The following MCM2 variants were observed in gnomAD, a reference collection of about 807,000 sequenced individuals.
MCM2 encodes the protein DNA replication licensing factor MCM2.
MCM2 carries 49 observed loss-of-function variants against 86.4 expected under a neutral mutation model. The observed-to-expected ratio is 0.57, with a 90% confidence interval of 0.45 to 0.72. The LOEUF is 0.72. Among genes scored for constraint, MCM2 ranks in the 30% least tolerant of loss-of-function variants. The pLI, the probability that MCM2 is intolerant of heterozygous loss-of-function variation, is 0.00. For synonymous variants in MCM2, 475 were observed against 484.6 expected, an observed-to-expected ratio of 0.98 and a Z score of 0.26; for missense variants, 1,038 against 1,259.9, an observed-to-expected ratio of 0.82 and a Z score of 2.67.
intron 15 of MCM2, 21 bp from the exon 16 acceptor site, chr3:127,621,642 C>T (rs1287252399): frequency 6.5e-7 from 1 of 1,532,186 alleles, no homozygotes; most frequent in Non-Finnish European, 9.0e-7. Flanking sequence ...TGATGGCTCA[C>T]TGGACACTTC....
At chr3:127,614,979 G>C (rs1280720122) in intron 8 of MCM2, among the ~76,000 whole-genome samples, 1 of 152,246 alleles carries the variant, frequency 6.6e-6, no homozygotes, top group African/African-American at 2.4e-5. Context: ...TTCAGAGGGA[G>C]ATAGGAGTTA....
chr3:127,618,934 C>A lies in MCM2; in HGVS notation c.2014-93C>A, dbSNP rs369465257. ...TCAGTCTTGTTGAAAGAGTGTCACCCTTGTAGGGCACACTCAGCCCTTCTC... is the reference window on the plus strand; with the variant it reads ...TCAGTCTTGTTGAAAGAGTGTCACCATTGTAGGGCACACTCAGCCCTTCTC... On this transcript the variant is annotated intron_variant, in intron 12 of 15. Coordinates refer to ENST00000265056, the MANE Select transcript of MCM2 (RefSeq NM_004526.4). This position sits in a 1 kb window ranked among gnomAD's most constrained non-coding sequence, Gnocchi z 4.0. 14 of 1,362,456 alleles carry A rather than the reference C, an allele frequency of 1.0e-5. No homozygotes were observed. Among genetic ancestry groups the A allele is most frequent in the African/African-American group, 8.7e-5 (6 of 68,864 alleles). The allele number at this position is 1,362,456 out of a possible 1,614,324, so 84.4% of individuals were successfully genotyped here.
At position 127,598,817 on chromosome 3, in the gene MCM2, T is replaced by C. The variant is rs1311707342; in HGVS notation, c.6+345T>C. 2.6e-5 allele frequency: 11 copies of C among 416,126 alleles called. No homozygotes were observed. In the East Asian group the frequency reaches 4.6e-4, roughly 17 times the overall value. The allele number at this position is 416,126 out of a possible 1,614,324, so 25.8% of individuals were successfully genotyped here. ...ACTTTTTTTTTTTTTAATTTCCCAA[T>C]GATCCTTGTTCCAAACACTACACTT... On this transcript the variant is annotated intron_variant, in intron 1 of 15. Transcript: ENST00000265056.
At position 127,604,948 on chromosome 3, in the gene MCM2, G is replaced by A. The variant is rs2074334563; in HGVS notation, c.465G>A (p.Glu155=). The A allele has an allele frequency of 1.9e-6, 3 of 1,613,730 alleles. No individual in the cohort carries two copies. The highest frequency in any genetic ancestry group is 1.7e-6 in the Non-Finnish European group (2 of 1,179,840). The change falls in exon 4 of 16, where the codon GAG becomes GAA. Residue 155 remains glutamate (E), a synonymous_variant. Coordinates refer to ENST00000265056, the MANE Select transcript of MCM2 (RefSeq NM_004526.4). ...CTGCCCGCAAGCGCCGCCAGGTGGA[G>A]CGGGCCACGGAGGACGGCGAGGAGG... The part of the protein sequence containing the change: ...ERPARKRRQV[E]RATEDGEEDE...
At chr3:127,605,267 G>T in intron 4 of MCM2, 111 bp downstream of exon 4, 1 of 1,416,700 alleles carries the variant, frequency 7.1e-7, no homozygotes, top group African/African-American at 1.4e-5. Context: ...ATGGCTGAGA[G>T]GTCTGTCAGA....
Position 127,616,997 on chromosome 3 carries a change from C to T in MCM2, c.1652C>T (p.Ala551Val), listed in dbSNP as rs781253937. Residue 551 changes from alanine (A) to valine (V), a missense_variant, in exon 10 of 16, where the codon GCG becomes GTG. By Grantham distance (64) the Ala-to-Val change is moderately conservative. Transcript: ENST00000265056. ...GCCATCTTCACCACTGGCCAGGGGG[C>T]GTCGGCTGTGGGCCTCACGGCGTAT... ...SRAIFTTGQG[A>V]SAVGLTAYVQ... 3 of 1,614,184 alleles carry T rather than the reference C, an allele frequency of 1.9e-6. No homozygotes were observed. The highest frequency in any genetic ancestry group is 1.1e-5 in the South Asian group (1 of 91,088).
chr3:127,617,902 G>A lies in MCM2; in HGVS notation c.1901-67G>A. Reference sequence around the variant, plus strand: ...CTCATCCCCTTCTGCCATCAGAGCAGCCTGGGGTCCCTGAGATGGGAGGAT... The same window carrying A: ...CTCATCCCCTTCTGCCATCAGAGCAACCTGGGGTCCCTGAGATGGGAGGAT... On this transcript the variant is annotated intron_variant, in intron 11 of 15. Transcript: ENST00000265056. This position sits in a 1 kb window ranked among gnomAD's most constrained non-coding sequence, Gnocchi z 4.1. 1 of 1,243,036 alleles carries A rather than the reference G, an allele frequency of 8.0e-7. No individual in the cohort carries two copies. Among genetic ancestry groups the A allele is most frequent in the Non-Finnish European group, 1.2e-6 (1 of 863,062 alleles). 77.0% of individuals were successfully genotyped at this position (1,243,036 alleles called of 1,614,324 possible).
chr3:127,614,282 C>G (rs1297965677), intron 8 of MCM2, among the ~76,000 whole-genome samples: 2 of 152,192 alleles, frequency 1.3e-5, no homozygotes, highest in Non-Finnish European at 2.9e-5. Context: ...ATAAACCTAG[C>G]CACAATACCA....
intron 2 of MCM2, 174 bp from the exon 3 acceptor site, chr3:127,604,434 T>C (rs1419586932): frequency 1.6e-6 from 1 of 636,272 alleles, no homozygotes; most frequent in African/African-American, 1.8e-5. Flanking sequence ...GATCGTGTTT[T>C]GTTCATCCAT....
intron 2 of MCM2, among the ~76,000 whole-genome samples, chr3:127,602,644 G>T (rs572436808): frequency 6.6e-6 from 1 of 152,220 alleles, no homozygotes. Flanking sequence ...CTTTGCACTC[G>T]CTGGGTGCCT....
intron 8 of MCM2, 93 bp from the exon 9 acceptor site, chr3:127,615,769 G>A: frequency 1.2e-6 from 1 of 864,212 alleles, no homozygotes; most frequent in Non-Finnish European, 2.0e-6. Flanking sequence ...TCTTTGAGCT[G>A]GGGATGTCGT....
In MCM2 at chr3:127,615,863, T is replaced by C. The variant is rs1240526317; in HGVS notation, c.1430T>C (p.Ile477Thr). 3 of 1,612,664 alleles carry C rather than the reference T, an allele frequency of 1.9e-6. No individual in the cohort carries two copies. Among genetic ancestry groups the C allele is most frequent in the Non-Finnish European group, 2.5e-6 (3 of 1,178,734 alleles). ...LSKDQQIGEK[I>T]FASIAPSIYG... The stretch of plus-strand genomic sequence containing the variant: ...TGTCGGTCTCCCTCCCTTTCTCAGA[T>C]CTTTGCCAGCATTGCTCCTTCCATC... The change falls in exon 9 of 16, where the codon ATC becomes ACC. Residue 477 changes from isoleucine (I) to threonine (T), a missense_variant and splice_region_variant. Physicochemically the swap from Ile to Thr is moderately conservative, Grantham distance 89. This residue lies in a region of MCM2 where 399 missense variants were observed against 507.2 expected (regional missense o/e 0.79). Transcript: ENST00000265056.
chr3:127,617,684 C>T lies in MCM2; in HGVS notation c.1900+279C>T. 1.7e-6 allele frequency: 1 copy of T among 591,022 alleles called. No individual in the cohort carries two copies. Among genetic ancestry groups the T allele is most frequent in the Non-Finnish European group, 3.0e-6 (1 of 333,542 alleles). The allele number at this position is 591,022 out of a possible 1,614,324, so 36.6% of individuals were successfully genotyped here. A position where few individuals can be genotyped will look rare whatever the true frequency, so the allele number is the denominator to read the frequency against. Reference sequence around the variant, plus strand: ...GCCCCTCTGGCCAGGATGGAGTTGGCTGTTGGTCTCAGCAGCGAATGCGTA... The same window carrying T: ...GCCCCTCTGGCCAGGATGGAGTTGGTTGTTGGTCTCAGCAGCGAATGCGTA... On this transcript the variant is annotated intron_variant, in intron 11 of 15. Transcript: ENST00000265056. This position sits in a 1 kb window ranked among gnomAD's most constrained non-coding sequence, Gnocchi z 4.1.
At position 127,606,497 on chromosome 3, in the gene MCM2, C is replaced by G. The variant is rs1576413907; in HGVS notation, c.894-113C>G. Reference sequence around the variant, plus strand: ...TGCACAGGAGTGTGATGGGAGGGATCTTCCCGGGCTGGGGGCTGGGCCCAA... The same window carrying G: ...TGCACAGGAGTGTGATGGGAGGGATGTTCCCGGGCTGGGGGCTGGGCCCAA... On this transcript the variant is annotated intron_variant, in intron 5 of 15. Transcript: ENST00000265056. The surrounding 1 kb of genome is among the most constrained non-coding windows in gnomAD (Gnocchi z 4.2). 5.7e-6 allele frequency: 7 copies of G among 1,220,912 alleles called. No homozygotes were observed. In the South Asian group the frequency reaches 8.1e-5, roughly 14 times the overall value. The allele number at this position is 1,220,912 out of a possible 1,614,324, so 75.6% of individuals were successfully genotyped here.
chr3:127,601,864 A>G (rs1342677444), intron 2 of MCM2, among the ~76,000 whole-genome samples: 1 of 152,206 alleles, frequency 6.6e-6, no homozygotes, highest in Non-Finnish European at 1.5e-5. Context: ...GATTCTGGCC[A>G]TCCCTGCAGG....
At chr3:127,608,267 C>G in intron 6 of MCM2, 115 bp from the exon 7 acceptor site, 1 of 1,329,220 alleles carries the variant, frequency 7.5e-7, no homozygotes, top group Non-Finnish European at 1.1e-6. Context: ...CTGTCTTTGG[C>G]TCTCCATTTG....
intron 2 of MCM2, among the ~76,000 whole-genome samples, chr3:127,603,683 G>A (rs749225144): frequency 1.3e-4 from 20 of 149,732 alleles, no homozygotes; most frequent in Admixed American, 2.0e-4. Flanking sequence ...TTTTTGAGAC[G>A]GAGTCTCACT....
chr3:127,621,744 A>G lies in MCM2; in HGVS notation c.2686A>G (p.Lys896Glu). 2 of 1,614,046 alleles carry G rather than the reference A, an allele frequency of 1.2e-6. No homozygotes were observed. Among genetic ancestry groups the G allele is most frequent in the Non-Finnish European group, 1.7e-6 (2 of 1,179,944 alleles). ...FRMNKFSHDL[K>E]RKMILQQF ...GATGAACAAGTTCAGCCACGACCTG[A>G]AAAGGAAAATGATCCTGCAGCAGTT... Residue 896 changes from lysine (K) to glutamate (E), a missense_variant, in exon 16 of 16, where the codon AAA becomes GAA. Lys to Glu is a moderately conservative substitution (Grantham distance 56). Transcript: ENST00000265056.
rs148813545 is a variant in MCM2 at position 127,620,219 on chromosome 3, C to T, written c.2266-479C>T. 6.6e-5 allele frequency among the ~76,000 whole-genome samples: 10 copies of T among 152,276 alleles called. No individual in the cohort carries two copies. In the East Asian group the frequency reaches 1.4e-3, roughly 21 times the overall value. On this transcript the variant is annotated intron_variant, in intron 13 of 15. Transcript: ENST00000265056. Reference sequence around the variant, plus strand: ...AGCAGCTTGCAAGCCATGGGAATGCCGAGTCCTTGTAGATTGCTGCCTCAG... The same window carrying T: ...AGCAGCTTGCAAGCCATGGGAATGCTGAGTCCTTGTAGATTGCTGCCTCAG...
Sources: allele counts gnomAD v4.1 joint callset (sites outside exome capture counted in the v4.1 genomes callset), GRCh38; gene constraint gnomAD v4.1.1; regional missense constraint gnomAD v4.1.1; non-coding constraint Gnocchi (gnomAD v3.1); transcripts MANE v1.5; gene names NCBI Gene and HGNC (gene_info 2026-07-23, HGNC 2026-07-21).